The following CNTN6 variants were observed in gnomAD, a reference collection of about 807,000 sequenced individuals.
CNTN6 encodes contactin 6.
In CNTN6, 137 loss-of-function variants were observed where a neutral mutation model predicts 122.8. The ratio of observed to expected loss-of-function variants is 1.12; its 90% CI spans 0.97 to 1.29. CNTN6 has a LOEUF of 1.29. Among genes scored for constraint, CNTN6 ranks in the 50% most tolerant of loss-of-function variants. The pLI is 0.00. For synonymous variants in CNTN6, 570 were observed against 426.0 expected (o/e 1.34, Z -4.16); for missense variants, 1,634 against 1,223.4 (o/e 1.34, Z -5.01).
chr3:1,368,395 T>C (rs1029398648), intron 12 of CNTN6, among the ~76,000 whole-genome samples: 1 of 152,192 alleles, frequency 6.6e-6, no homozygotes, highest in Non-Finnish European at 1.5e-5. Flanking sequence ...GTGAAGAGAA[T>C]CATCAGCTCT....
At chr3:1,197,358 T>C (rs1006709014) in intron 2 of CNTN6, among the ~76,000 whole-genome samples, 8 of 152,280 alleles carry the variant, frequency 5.3e-5, no homozygotes, top group African/African-American at 1.7e-4. Context: ...GGGATAGAGG[T>C]GGCAGCAATT....
intron 7 of CNTN6, among the ~76,000 whole-genome samples, chr3:1,306,709 T>A (rs1378253296): frequency 6.6e-6 from 1 of 152,174 alleles, no homozygotes; most frequent in Non-Finnish European, 1.5e-5. Flanking sequence ...TAAGCTCACT[T>A]ACTAAATTTC....
chr3:1,148,210 C>A, intron 2 of CNTN6, 147 bp downstream of exon 2: 1 of 580,780 alleles, frequency 1.7e-6, no homozygotes, highest in Non-Finnish European at 3.0e-6. Flanking sequence ...TTCTATGACT[C>A]AGACAGGGAA....
At chr3:1,377,182 A>T in intron 17 of CNTN6, 107 bp downstream of exon 17, 1 of 691,086 alleles carries the variant, frequency 1.4e-6, no homozygotes, top group Non-Finnish European at 2.4e-6. Context: ...AGCGTAAAAA[A>T]ATATGGTATA....
At chr3:1,152,283 C>T (rs1179308265) in intron 2 of CNTN6, among the ~76,000 whole-genome samples, 1 of 151,980 alleles carries the variant, frequency 6.6e-6, no homozygotes, top group African/African-American at 2.4e-5. Flanking sequence ...AGATTACAGG[C>T]ACGCACCACC....
chr3:1,250,870 C>T (rs1170564227), intron 4 of CNTN6, among the ~76,000 whole-genome samples: 2 of 152,162 alleles, frequency 1.3e-5, no homozygotes, highest in Non-Finnish European at 2.9e-5. Context: ...CCTCTTACCA[C>T]AGGTCTGTCA....
At chr3:1,172,741 T>G (rs1368533242) in intron 2 of CNTN6, among the ~76,000 whole-genome samples, 6 of 152,090 alleles carry the variant, frequency 3.9e-5, no homozygotes, top group Non-Finnish European at 8.8e-5. Flanking sequence ...GATCACATAT[T>G]CTTGAAAGGG....
intron 2 of CNTN6, among the ~76,000 whole-genome samples, chr3:1,177,278 A>G (rs1027416002): frequency 2.6e-5 from 4 of 152,260 alleles, no homozygotes; most frequent in Non-Finnish European, 4.4e-5. Flanking sequence ...AAACTTGAAC[A>G]TAGATTATAA....
At chr3:1,382,822 A>T in intron 17 of CNTN6, 120 bp from the exon 18 acceptor site, 1 of 702,012 alleles carries the variant, frequency 1.4e-6, no homozygotes, top group Non-Finnish European at 2.4e-6. Context: ...ATACATCATT[A>T]AACAGAATAA....
chr3:1,329,898 T>A lies in CNTN6; in HGVS notation c.1327T>A (p.Trp443Arg), dbSNP rs745885540. ...PNAFPRAAISWKRGTETLRQS... is the reference protein window; with the variant it reads ...PNAFPRAAISRKRGTETLRQS... Reference sequence around the variant, plus strand: ...TGCTTTTCCCAGGGCAGCTATCTCTTGGAAAAGAGGAACGGAGACCCTTAG... The same window carrying A: ...TGCTTTTCCCAGGGCAGCTATCTCTAGGAAAAGAGGAACGGAGACCCTTAG... The change falls in exon 11 of 23, where the codon TGG becomes AGG. Residue 443 changes from tryptophan to arginine, a missense_variant. Trp to Arg is a moderately radical substitution (Grantham distance 101). Transcript: ENST00000446702. The A allele has an allele frequency of 1.5e-5, 24 of 1,609,820 alleles. No homozygotes were observed. In the South Asian group the frequency reaches 2.5e-4, roughly 17 times the overall value.
At chr3:1,149,599 ATAT>A (rs2092795832) in intron 2 of CNTN6, among the ~76,000 whole-genome samples, 1 of 152,200 alleles carries the variant, frequency 6.6e-6, no homozygotes, top group Non-Finnish European at 1.5e-5. Context: ...TGCCATAGTT[ATAT>A]TTACTCAAAG....
rs79617016 is a variant in CNTN6, at chr3:1,312,705, C to T, written c.762-8945C>T. Among the ~76,000 whole-genome samples, 3 of 151,574 alleles carry T rather than the reference C, an allele frequency of 2.0e-5. No individual in the cohort carries two copies. The East Asian group carries it at 5.9e-4, about 30-fold the overall frequency. On this transcript the variant is annotated intron_variant, in intron 7 of 22. Coordinates refer to ENST00000446702, the MANE Select transcript of CNTN6 (RefSeq NM_001289080.2). Reference sequence around the variant, plus strand: ...TATTGCTAAGCACATGTTATACACCCTAATAAGGTTTGCTCTCATTTTGTA... The same window carrying T: ...TATTGCTAAGCACATGTTATACACCTTAATAAGGTTTGCTCTCATTTTGTA...
At chr3:1,373,021 T>G in intron 14 of CNTN6, 66 bp downstream of exon 14, 2 of 913,062 alleles carry the variant, frequency 2.2e-6, no homozygotes, top group Non-Finnish European at 3.4e-6. Context: ...ATATCTAAAT[T>G]GTAGACCTCT....
intron 11 of CNTN6, among the ~76,000 whole-genome samples, chr3:1,332,621 T>C (rs990981515): frequency 6.6e-6 from 1 of 151,910 alleles, no homozygotes; most frequent in African/African-American, 2.4e-5. Flanking sequence ...CTGTTTACTA[T>C]AGACGTGGTG....
intron 1 of CNTN6, among the ~76,000 whole-genome samples, chr3:1,111,318 A>G (rs549405135): frequency 2.0e-5 from 3 of 152,274 alleles, no homozygotes; most frequent in East Asian, 1.9e-4. Flanking sequence ...ACAACCATCA[A>G]TTGATATAGT....
At chr3:1,240,889 G>A (rs944887511) in intron 4 of CNTN6, among the ~76,000 whole-genome samples, 7 of 151,988 alleles carry the variant, frequency 4.6e-5, no homozygotes, top group South Asian at 2.1e-4. Context: ...AGATAGGGGT[G>A]GGGCTGTTTT....
intron 4 of CNTN6, among the ~76,000 whole-genome samples, chr3:1,261,765 C>T (rs186521265): frequency 6.6e-6 from 1 of 152,208 alleles, no homozygotes; most frequent in Non-Finnish European, 1.5e-5. Context: ...TCCCATGTGA[C>T]AGTCATAATG....
intron 1 of CNTN6, among the ~76,000 whole-genome samples, chr3:1,137,214 G>T (rs897946394): frequency 6.6e-6 from 1 of 152,160 alleles, no homozygotes; most frequent in Admixed American, 6.5e-5. Context: ...GGAACTAGGT[G>T]TGAGACAATA....
intron 2 of CNTN6, among the ~76,000 whole-genome samples, chr3:1,161,769 TACACACACACAC>T (rs558137459): frequency 1.4e-5 from 2 of 143,116 alleles, no homozygotes; most frequent in South Asian, 2.2e-4. Context: ...TATATATGTA[TACACACACACAC>T]ACACACACAC....
Sources: gnomAD v4.1 joint callset for allele counts (sites outside exome capture counted in the v4.1 genomes callset) on GRCh38, gnomAD v4.1.1 for gene constraint, MANE v1.5 for transcripts, NCBI Gene and HGNC (gene_info 2026-07-23, HGNC 2026-07-21) for gene names.